CACNA2D3: variants seen among roughly 807,000 people sequenced by gnomAD.
CACNA2D3 encodes calcium voltage-gated channel auxiliary subunit alpha2delta 3.
Under a neutral mutation model 160.6 loss-of-function variants are expected in CACNA2D3, and 60 were observed. The observed-to-expected ratio is 0.37, with a 90% CI of 0.30 to 0.46. The LOEUF is 0.46. Ranked by LOEUF, CACNA2D3 falls within the 20% of genes least tolerant of loss-of-function variation. CACNA2D3 has a pLI of 1.00. For synonymous variants in CACNA2D3, 558 were observed against 492.9 expected (o/e 1.13, Z -1.75); for missense variants, 1,205 against 1,365.0 (o/e 0.88, Z 1.85).
At chr3:54,304,573 T>G (rs1703554485) in intron 2 of CACNA2D3, among the ~76,000 whole-genome samples, 1 of 152,228 alleles carries the variant, frequency 6.6e-6, no homozygotes, top group African/African-American at 2.4e-5. Flanking sequence ...GAATGAGGAT[T>G]AACATTTTTC....
chr3:55,063,660 C>T (rs972556408), intron 35 of CACNA2D3, among the ~76,000 whole-genome samples: 1 of 152,002 alleles, frequency 6.6e-6, no homozygotes, highest in African/African-American at 2.4e-5. Flanking sequence ...TGGTTGAACA[C>T]GTCAGGCTGG....
At chr3:54,194,150 A>G (rs534558042) in intron 2 of CACNA2D3, among the ~76,000 whole-genome samples, 66 of 152,264 alleles carry the variant, frequency 4.3e-4, no homozygotes, top group African/African-American at 1.5e-3. Context: ...AATATGTTCT[A>G]ATGTTAGGAG....
intron 5 of CACNA2D3, among the ~76,000 whole-genome samples, chr3:54,550,366 C>T (rs905963966): frequency 3.3e-5 from 5 of 152,208 alleles, no homozygotes; most frequent in Admixed American, 2.6e-4. Context: ...TAGCCTGGGC[C>T]TTCCCCGGAG....
intron 9 of CACNA2D3, among the ~76,000 whole-genome samples, chr3:54,616,661 C>G (rs1038158682): frequency 5.3e-5 from 8 of 152,160 alleles, no homozygotes; most frequent in African/African-American, 1.9e-4. Context: ...ATTGATAAAA[C>G]AAGATTGGCT....
chr3:54,630,256 G>C (rs1226402046), intron 10 of CACNA2D3, among the ~76,000 whole-genome samples: 1 of 152,038 alleles, frequency 6.6e-6, no homozygotes, highest in African/African-American at 2.4e-5. Context: ...TCTAGACACA[G>C]CTCCCACTAC....
intron 2 of CACNA2D3, among the ~76,000 whole-genome samples, chr3:54,184,019 G>A (rs192160080): frequency 7.3e-5 from 11 of 151,698 alleles, no homozygotes; most frequent in Admixed American, 5.3e-4. Flanking sequence ...CATGCATTCC[G>A]GTGCATTTGT....
At chr3:54,790,196 T>G (rs1418528126) in intron 13 of CACNA2D3, among the ~76,000 whole-genome samples, 1 of 152,158 alleles carries the variant, frequency 6.6e-6, no homozygotes, top group Non-Finnish European at 1.5e-5. Context: ...ATAACCCTTC[T>G]GTGCTTTTTA....
chr3:54,878,154 A>G (rs1699708119), intron 18 of CACNA2D3, among the ~76,000 whole-genome samples: 1 of 152,118 alleles, frequency 6.6e-6, no homozygotes, highest in South Asian at 2.1e-4. Flanking sequence ...TATCGGCCAG[A>G]TCTTACTCAA....
chr3:54,711,072 A>G (rs144220341), intron 11 of CACNA2D3, among the ~76,000 whole-genome samples: 2 of 152,310 alleles, frequency 1.3e-5, no homozygotes, highest in East Asian at 3.9e-4. Flanking sequence ...TTGGTGAGCA[A>G]AGGCCAAACT....
chr3:54,728,444 TTCA>T (rs1199129558), intron 11 of CACNA2D3, among the ~76,000 whole-genome samples: 1 of 152,214 alleles, frequency 6.6e-6, no homozygotes, highest in Admixed American at 6.5e-5. Flanking sequence ...ACTTTATCTT[TTCA>T]TCTGTTTCCT....
chr3:54,641,825 C>T (rs1476016686), intron 10 of CACNA2D3, among the ~76,000 whole-genome samples: 2 of 152,172 alleles, frequency 1.3e-5, no homozygotes, highest in Non-Finnish European at 2.9e-5. Flanking sequence ...CTGACCCTTC[C>T]CCCACTTCCT....
intron 31 of CACNA2D3, among the ~76,000 whole-genome samples, chr3:54,997,821 G>A (rs1053296207): frequency 6.6e-6 from 1 of 152,206 alleles, no homozygotes; most frequent in Non-Finnish European, 1.5e-5. Context: ...AAATGCCAAT[G>A]TGTATGCCTT....
chr3:54,978,558 C>T (rs1702440226), intron 29 of CACNA2D3, among the ~76,000 whole-genome samples: 1 of 152,208 alleles, frequency 6.6e-6, no homozygotes, highest in Non-Finnish European at 1.5e-5. Flanking sequence ...GCTTGTCCAG[C>T]ATTTCTACAC....
intron 27 of CACNA2D3, among the ~76,000 whole-genome samples, chr3:54,909,833 A>T (rs755955781): frequency 2.0e-5 from 3 of 152,044 alleles, no homozygotes; most frequent in African/African-American, 7.2e-5. Flanking sequence ...GACTTCAAGG[A>T]GAAAGTGATC....
intron 27 of CACNA2D3, among the ~76,000 whole-genome samples, chr3:54,921,230 G>T (rs1700839999): frequency 6.6e-6 from 1 of 152,116 alleles, no homozygotes; most frequent in Non-Finnish European, 1.5e-5. Flanking sequence ...TCTTGAGTCT[G>T]AACATTACGT....
At chr3:54,673,690 C>T (rs1700195695) in intron 11 of CACNA2D3, among the ~76,000 whole-genome samples, 1 of 152,176 alleles carries the variant, frequency 6.6e-6, no homozygotes, top group Non-Finnish European at 1.5e-5. Context: ...AAGGTAATAT[C>T]TGGTAGGACA....
Position 54,320,511 on chromosome 3 carries a change from G to C in CACNA2D3, c.274G>C (p.Ala92Pro). 6.4e-7 allele frequency: 1 copy of C among 1,569,568 alleles called. No individual in the cohort carries two copies. The highest frequency in any genetic ancestry group is 1.2e-5 in the South Asian group (1 of 84,860). ...TGGCCTCCAACTGGTAAAGAAGCTG[G>C]CAAAGAACATGGAAGAGATGTTTCA... ...IDGLQLVKKL[A>P]KNMEEMFHKK... Residue 92 changes from alanine to proline, a missense_variant, in exon 3 of 38, where the codon GCA becomes CCA. Physicochemically the swap from Ala to Pro is conservative, Grantham distance 27. Transcript: ENST00000474759.
intron 27 of CACNA2D3, among the ~76,000 whole-genome samples, chr3:54,950,664 T>C (rs1285395313): frequency 1.3e-5 from 2 of 152,136 alleles, no homozygotes; most frequent in Non-Finnish European, 2.9e-5. Context: ...GTTTTCCTTA[T>C]CTAGGACCCA....
intron 11 of CACNA2D3, among the ~76,000 whole-genome samples, chr3:54,672,587 T>C (rs1260569277): frequency 6.6e-6 from 1 of 152,238 alleles, no homozygotes; most frequent in East Asian, 1.9e-4. Context: ...TGTGCTATTG[T>C]GGACCTGAAC....
Sources: allele counts gnomAD v4.1 joint callset (sites outside exome capture counted in the v4.1 genomes callset), GRCh38; gene constraint gnomAD v4.1.1; transcripts MANE v1.5; gene names NCBI Gene and HGNC (gene_info 2026-07-23, HGNC 2026-07-21).